Variants in ABCG1 observed in about 807,000 individuals in gnomAD.
The protein encoded by ABCG1 is ATP binding cassette subfamily G member 1.
ABCG1 carries 29 observed loss-of-function variants against 69.2 expected under a neutral mutation model. The ratio of observed to expected loss-of-function variants is 0.42; its 90% CI spans 0.31 to 0.57. ABCG1 has a LOEUF of 0.57. ABCG1 is among the 20% of genes least tolerant of loss of function. ABCG1 has a pLI of 0.15. For synonymous variants in ABCG1, 370 were observed against 374.8 expected (o/e 0.99, Z 0.15); for missense variants, 718 against 898.1 (o/e 0.80, Z 2.56).
chr21:42,293,581 A>G (rs1359771631), intron 13 of ABCG1, among the ~76,000 whole-genome samples: 2 of 136,452 alleles, frequency 1.5e-5, no homozygotes, highest in Admixed American at 1.5e-4. Context: ...ACCACACACT[A>G]CACACATACC....
At chr21:42,256,372 CTG>C in intron 2 of ABCG1, 1 of 1,550,366 alleles carries the variant, frequency 6.5e-7, no homozygotes, top group Non-Finnish European at 8.7e-7. Flanking sequence ...GTTGGTCTGT[CTG>C]TACCGCCATT....
At chr21:42,208,626 G>A (rs1245012566) in intron 2 of ABCG1, among the ~76,000 whole-genome samples, 1 of 152,180 alleles carries the variant, frequency 6.6e-6, no homozygotes, top group Non-Finnish European at 1.5e-5. Context: ...CAGGTGCTAG[G>A]AGACCTGGAT....
intron 2 of ABCG1, chr21:42,260,287 C>A (rs1206532670): frequency 6.9e-7 from 1 of 1,442,846 alleles, no homozygotes; most frequent in Non-Finnish European, 9.2e-7. Flanking sequence ...GAATGGTGGC[C>A]CGGCTGGGGC....
At chr21:42,253,965 CA>C (rs1460194488) in intron 2 of ABCG1, among the ~76,000 whole-genome samples, 1 of 152,152 alleles carries the variant, frequency 6.6e-6, no homozygotes, top group African/African-American at 2.4e-5. Context: ...GTGCATAGCA[CA>C]GTTCAAAATA....
At chr21:42,270,225 A>T (rs533503492) in intron 2 of ABCG1, among the ~76,000 whole-genome samples, 1 of 138,530 alleles carries the variant, frequency 7.2e-6, no homozygotes, top group South Asian at 2.3e-4. Flanking sequence ...GTGCCACTGC[A>T]CTCTAGCATG....
In ABCG1 at chr21:42,273,826, C is replaced by T. The variant is rs1282012634; in HGVS notation, c.537+391C>T. ...TCTTTCCGTGTCTTTGGCCCAAGCA[C>T]CCACTCGCCTGGTGCCTTGGTCAGG... On this transcript the variant is annotated intron_variant, in intron 4 of 14. Coordinates refer to ENST00000398449, the MANE Select transcript of ABCG1 (RefSeq NM_016818.3). This position sits in a 1 kb window ranked among gnomAD's most constrained non-coding sequence, Gnocchi z 5.3. Among the ~76,000 whole-genome samples, 1 of 152,214 alleles carries T rather than the reference C, an allele frequency of 6.6e-6. No individual in the cohort carries two copies. Among genetic ancestry groups the T allele is most frequent in the Non-Finnish European group, 1.5e-5 (1 of 68,046 alleles).
intron 2 of ABCG1, among the ~76,000 whole-genome samples, chr21:42,262,277 A>G (rs1193530971): frequency 6.6e-6 from 1 of 152,166 alleles, no homozygotes; most frequent in Non-Finnish European, 1.5e-5. Flanking sequence ...AGACCTTCCC[A>G]CATCCTGGCA....
chr21:42,287,810 T>C lies in ABCG1; in HGVS notation c.974-79T>C. The stretch of plus-strand genomic sequence containing the variant: ...GTAATCGCTTTAAAACATTCCCACT[T>C]GAATAACGACTTTCGCATTTGGGTG... On this transcript the variant is annotated intron_variant, in intron 8 of 14. Coordinates refer to ENST00000398449, the MANE Select transcript of ABCG1 (RefSeq NM_016818.3). The surrounding 1 kb of genome is among the most constrained non-coding windows in gnomAD (Gnocchi z 6.2). 1 of 1,431,316 alleles carries C rather than the reference T, an allele frequency of 7.0e-7. No homozygotes were observed. The highest frequency in any genetic ancestry group is 1.4e-5 in the African/African-American group (1 of 70,268). The allele number at this position is 1,431,316 out of a possible 1,614,324, so 88.7% of individuals were successfully genotyped here.
intron 2 of ABCG1, among the ~76,000 whole-genome samples, chr21:42,203,903 A>C (rs1435965396): frequency 6.6e-6 from 1 of 151,944 alleles, no homozygotes. Context: ...TTTTTTCTTT[A>C]GTTCTTTTTT....
In ABCG1 at chr21:42,261,287, A is replaced by C. The variant is rs145599180; in HGVS notation, c.287-9783A>C. On this transcript the variant is annotated intron_variant, in intron 2 of 14. Coordinates refer to ENST00000398449, the MANE Select transcript of ABCG1 (RefSeq NM_016818.3). The stretch of plus-strand genomic sequence containing the variant: ...ACTAAACGGAGGCATTTGTGAGGGG[A>C]TTTCAGATACCCTGCTGTGCTCAGG... Among the ~76,000 whole-genome samples, 389 of 149,254 alleles carry C rather than the reference A, an allele frequency of 2.6e-3. 1 individual carries two copies. Among genetic ancestry groups the C allele is most frequent in the African/African-American group, 8.9e-3 (362 of 40,492 alleles).
At chr21:42,271,356 A>G (rs1484261900) in intron 3 of ABCG1, among the ~76,000 whole-genome samples, 169 bp downstream of exon 3, 2 of 152,182 alleles carry the variant, frequency 1.3e-5, no homozygotes, top group Non-Finnish European at 2.9e-5. Flanking sequence ...GGGCCATATG[A>G]TGGGTGGAGA....
chr21:42,255,440 C>G lies in ABCG1; in HGVS notation c.287-15630C>G, dbSNP rs1344326619. Among the ~76,000 whole-genome samples the G allele has an allele frequency of 2.0e-5, 3 of 151,976 alleles. No individual in the cohort carries two copies. The East Asian group carries it at 5.8e-4, about 29-fold the overall frequency. On this transcript the variant is annotated intron_variant, in intron 2 of 14. Coordinates refer to ENST00000398449, the MANE Select transcript of ABCG1 (RefSeq NM_016818.3). ...GTGCATGGTGTGAGTGCACACATGT[C>G]CATGTGTGGGTGTGTGTGCATGCGC... is the stretch of plus-strand genomic sequence containing the variant.
rs1275262407 is a variant in ABCG1, at chr21:42,256,561, C to T, written c.287-14509C>T. 4 of 1,540,478 alleles carry T rather than the reference C, an allele frequency of 2.6e-6. No individual in the cohort carries two copies. The East Asian group carries it at 9.9e-5, about 38-fold the overall frequency. On this transcript the variant is annotated intron_variant, in intron 2 of 14. Transcript: ENST00000398449. ...TCACAACAAATATCCCATCTGCATT[C>T]TCTGGGACACTGACCCATGAAGAGA... is the stretch of plus-strand genomic sequence containing the variant.
intron 2 of ABCG1, among the ~76,000 whole-genome samples, chr21:42,235,910 A>G (rs1003866289): frequency 6.6e-6 from 1 of 152,162 alleles, no homozygotes; most frequent in African/African-American, 2.4e-5. Flanking sequence ...GTCCATCCCC[A>G]TGGTTCAGGG....
At chr21:42,253,845 T>A (rs896869021) in intron 2 of ABCG1, among the ~76,000 whole-genome samples, 3 of 152,064 alleles carry the variant, frequency 2.0e-5, no homozygotes, top group African/African-American at 7.2e-5. Flanking sequence ...CTCCTTGGGG[T>A]GCCTAAGGGA....
chr21:42,285,521 T>G (rs931662913), intron 7 of ABCG1, among the ~76,000 whole-genome samples: 1 of 149,536 alleles, frequency 6.7e-6, no homozygotes, highest in Non-Finnish European at 1.5e-5. Context: ...AAAAAAAAGA[T>G]GAACAAACAA....
chr21:42,226,043 T>C (rs2067812582), intron 2 of ABCG1, 129 bp downstream of exon 2: 1 of 1,095,552 alleles, frequency 9.1e-7, no homozygotes, highest in Admixed American at 2.4e-5. Context: ...GTCACTGCTG[T>C]GGTCAATTTA....
chr21:42,287,383 T>C lies in ABCG1; in HGVS notation c.974-506T>C, dbSNP rs2068962048. Among the ~76,000 whole-genome samples the C allele has an allele frequency of 6.6e-6, 1 of 152,112 alleles. No homozygotes were observed. Among genetic ancestry groups the C allele is most frequent in the South Asian group, 2.1e-4 (1 of 4,820 alleles). ...CTCACTGGGATCTGAGAGGTGCAGGTTGAGGGTCCCAGGACCTCCAAGTCC... is the reference window on the plus strand; with the variant it reads ...CTCACTGGGATCTGAGAGGTGCAGGCTGAGGGTCCCAGGACCTCCAAGTCC... On this transcript the variant is annotated intron_variant, in intron 8 of 14. Transcript: ENST00000398449. This position sits in a 1 kb window ranked among gnomAD's most constrained non-coding sequence, Gnocchi z 6.2.
At chr21:42,254,995 A>G (rs2068279672) in intron 2 of ABCG1, among the ~76,000 whole-genome samples, 1 of 152,212 alleles carries the variant, frequency 6.6e-6, no homozygotes, top group African/African-American at 2.4e-5. Context: ...ATCATTTGGC[A>G]ACCTTATTGG....
Sources: allele counts gnomAD v4.1 joint callset (sites outside exome capture counted in the v4.1 genomes callset), GRCh38; gene constraint gnomAD v4.1.1; non-coding constraint Gnocchi (gnomAD v3.1); transcripts MANE v1.5; gene names NCBI Gene and HGNC (gene_info 2026-07-23, HGNC 2026-07-21).